Variants in ADAMTS2 observed in about 807,000 individuals in gnomAD.
ADAMTS2 encodes ADAM metallopeptidase with thrombospondin type 1 motif 2.
Under a neutral mutation model 123.0 loss-of-function variants are expected in ADAMTS2, and 50 were observed. The observed-to-expected ratio is 0.41, with a 90% CI of 0.32 to 0.51. The LOEUF (loss-of-function observed/expected upper bound fraction) is 0.51, where lower values mean the gene tolerates loss of function less well. Among genes scored for constraint, ADAMTS2 ranks in the 20% least tolerant of loss-of-function variants. The pLI, the probability that ADAMTS2 is intolerant of heterozygous loss-of-function variation, is 0.35. For missense variants in ADAMTS2, 1,494 were observed against 1,705.2 expected, an observed-to-expected ratio of 0.88 and a Z score of 2.18; for synonymous variants, 678 against 695.4, an observed-to-expected ratio of 0.98 and a Z score of 0.39.
chr5:179,176,056 C>A (rs149064192), intron 5 of ADAMTS2, among the ~76,000 whole-genome samples: 1 of 152,196 alleles, frequency 6.6e-6, no homozygotes, highest in East Asian at 1.9e-4. Context: ...TTCCAGACTT[C>A]TTTGACCTTG....
rs541897014 is a variant in ADAMTS2, at chr5:179,256,562, T to C, written c.688+16349A>G. Among the ~76,000 whole-genome samples the C allele has an allele frequency of 8.6e-5, 13 of 151,688 alleles. 1 individual carries two copies. In the South Asian group the frequency reaches 2.7e-3, roughly 32 times the overall value. On this transcript the variant is annotated intron_variant, in intron 3 of 21. Transcript: ENST00000251582. This position sits in a 1 kb window ranked among gnomAD's most constrained non-coding sequence, Gnocchi z 4.1. ...AGAGAGGAGAGAGAGACGGAGAGAG[T>C]TTATGTACGTGTAACTACCAACCAG... is the stretch of plus-strand genomic sequence containing the variant.
chr5:179,294,187 T>A (rs1272298023), intron 2 of ADAMTS2, among the ~76,000 whole-genome samples: 2 of 151,914 alleles, frequency 1.3e-5, no homozygotes, highest in Non-Finnish European at 1.5e-5. Context: ...ACCCTGAAGG[T>A]CCAAGCTGCA....
chr5:179,213,886 A>G (rs1321522559), intron 3 of ADAMTS2, among the ~76,000 whole-genome samples: 1 of 152,242 alleles, frequency 6.6e-6, no homozygotes. Context: ...AGACAAGGCC[A>G]CAGTGATAGG....
chr5:179,258,605 C>T (rs1275612692), intron 3 of ADAMTS2, among the ~76,000 whole-genome samples: 3 of 152,196 alleles, frequency 2.0e-5, no homozygotes, highest in East Asian at 1.9e-4. Context: ...CAGCATTGCT[C>T]GCAGCTAGGA....
chr5:179,159,582 T>C (rs1763557953), intron 5 of ADAMTS2, among the ~76,000 whole-genome samples: 1 of 152,152 alleles, frequency 6.6e-6, no homozygotes, highest in Admixed American at 6.5e-5. Flanking sequence ...CCGGGAACCA[T>C]CCCATTCCAT....
intron 3 of ADAMTS2, among the ~76,000 whole-genome samples, chr5:179,232,129 G>A (rs931422270): frequency 1.3e-5 from 2 of 152,146 alleles, no homozygotes; most frequent in East Asian, 1.9e-4. Flanking sequence ...GATATTCCAC[G>A]TTTATCCTGG....
intron 3 of ADAMTS2, among the ~76,000 whole-genome samples, chr5:179,212,872 C>T (rs536467341): frequency 6.6e-6 from 1 of 151,998 alleles, no homozygotes; most frequent in Non-Finnish European, 1.5e-5. Flanking sequence ...GTCCCCTGTG[C>T]GAAGCTCAGT....
Position 179,272,647 on chromosome 5 carries a change from C to T in ADAMTS2, c.688+264G>A, listed in dbSNP as rs1252591330. Among the ~76,000 whole-genome samples the T allele has an allele frequency of 3.3e-5, 5 of 152,196 alleles. No homozygotes were observed. The highest frequency in any genetic ancestry group is 1.2e-4 in the African/African-American group (5 of 41,464). ...CCCTTGGACAGCCTTCATAGTCCAC[C>T]ATGGAGGCCCCAGACATGAAGGCAG... is the stretch of plus-strand genomic sequence containing the variant. On this transcript the variant is annotated intron_variant, in intron 3 of 21. Coordinates refer to ENST00000251582, the MANE Select transcript of ADAMTS2 (RefSeq NM_014244.5). This position sits in a 1 kb window ranked among gnomAD's most constrained non-coding sequence, Gnocchi z 5.8.
At chr5:179,329,140 A>T (rs944060752) in intron 2 of ADAMTS2, among the ~76,000 whole-genome samples, 8 of 151,958 alleles carry the variant, frequency 5.3e-5, no homozygotes, top group African/African-American at 1.9e-4. Flanking sequence ...ATCCTGGCTA[A>T]CACGGTGAAA....
intron 9 of ADAMTS2, 127 bp downstream of exon 9, chr5:179,153,364 C>A: frequency 7.0e-7 from 1 of 1,437,554 alleles, no homozygotes; most frequent in Non-Finnish European, 9.4e-7. Flanking sequence ...GACAGGCTGC[C>A]ACTCTGGAGG....
intron 5 of ADAMTS2, among the ~76,000 whole-genome samples, chr5:179,176,104 C>T (rs1276584814): frequency 6.6e-6 from 1 of 152,200 alleles, no homozygotes; most frequent in African/African-American, 2.4e-5. Context: ...CTACTCATAT[C>T]CTAAGAATTC....
At chr5:179,164,456 G>A (rs1161541842) in intron 5 of ADAMTS2, among the ~76,000 whole-genome samples, 1 of 152,272 alleles carries the variant, frequency 6.6e-6, no homozygotes, top group East Asian at 1.9e-4. Context: ...GGCAGGAGCT[G>A]AGAGGCATCA....
At chr5:179,200,885 T>G (rs1764548048) in intron 4 of ADAMTS2, among the ~76,000 whole-genome samples, 1 of 152,180 alleles carries the variant, frequency 6.6e-6, no homozygotes, top group African/African-American at 2.4e-5. Context: ...ACAAAAAGTT[T>G]ATCTACTTAA....
intron 3 of ADAMTS2, among the ~76,000 whole-genome samples, chr5:179,264,983 G>A (rs1312474377): frequency 3.3e-5 from 5 of 151,708 alleles, no homozygotes; most frequent in East Asian, 2.0e-4. Context: ...GCAGCATGCC[G>A]GGCGGGGCTG....
At chr5:179,205,483 G>T (rs1236978899) in intron 4 of ADAMTS2, among the ~76,000 whole-genome samples, 1 of 152,234 alleles carries the variant, frequency 6.6e-6, no homozygotes. Context: ...CAGAGGACGG[G>T]AGCAGCGTTC....
intron 11 of ADAMTS2, among the ~76,000 whole-genome samples, chr5:179,138,845 C>T (rs1763110847): frequency 6.6e-6 from 1 of 152,188 alleles, no homozygotes; most frequent in Non-Finnish European, 1.5e-5. Context: ...GAGAGCAGCC[C>T]GAGTGAACAG....
intron 5 of ADAMTS2, among the ~76,000 whole-genome samples, chr5:179,165,649 G>C (rs1250615874): frequency 6.6e-6 from 1 of 152,066 alleles, no homozygotes; most frequent in African/African-American, 2.4e-5. Flanking sequence ...CTCCAGAGCA[G>C]GGGGCGGTAG....
chr5:179,238,846 G>C (rs544113643), intron 3 of ADAMTS2, among the ~76,000 whole-genome samples: 1 of 152,250 alleles, frequency 6.6e-6, no homozygotes, highest in South Asian at 2.1e-4. Flanking sequence ...CCAGCAGAAG[G>C]CATCAAAGGA....
At chr5:179,168,720 T>C (rs571419201) in intron 5 of ADAMTS2, among the ~76,000 whole-genome samples, 8 of 152,300 alleles carry the variant, frequency 5.3e-5, no homozygotes. Context: ...CCAGAATGAA[T>C]GGCAGGGACA....
Sources: gnomAD v4.1 joint callset for allele counts (sites outside exome capture counted in the v4.1 genomes callset) on GRCh38, gnomAD v4.1.1 for gene constraint, Gnocchi (gnomAD v3.1) non-coding constraint, MANE v1.5 for transcripts, NCBI Gene and HGNC (gene_info 2026-07-23, HGNC 2026-07-21) for gene names.